EFNA5: variants seen among roughly 807,000 people sequenced by gnomAD.
EFNA5 encodes ephrin-A5.
A neutral mutation model predicts 22.9 loss-of-function variants in EFNA5; 5 were observed. That is an observed-to-expected ratio of 0.22 (90% CI 0.11 to 0.46). EFNA5 has a LOEUF of 0.46. EFNA5 is among the 20% of genes least tolerant of loss of function. The pLI is 0.99. For synonymous variants in EFNA5, 113 were observed against 112.2 expected, an observed-to-expected ratio of 1.01 and a Z score of -0.04; for missense variants, 237 against 293.3, an observed-to-expected ratio of 0.81 and a Z score of 1.40.
chr5:107,608,981 A>C (rs1580558195), intron 1 of EFNA5, among the ~76,000 whole-genome samples: 1 of 152,134 alleles, frequency 6.6e-6, no homozygotes, highest in Non-Finnish European at 1.5e-5. Context: ...GCACTACAAA[A>C]CTTCCTGGTT....
At chr5:107,584,807 C>T (rs1431523035) in intron 1 of EFNA5, among the ~76,000 whole-genome samples, 1 of 152,164 alleles carries the variant, frequency 6.6e-6, no homozygotes, top group African/African-American at 2.4e-5. Context: ...CGAATGAACC[C>T]AGCTGCTGCT....
At chr5:107,651,988 A>T (rs1231627031) in intron 1 of EFNA5, among the ~76,000 whole-genome samples, 1 of 152,178 alleles carries the variant, frequency 6.6e-6, no homozygotes, top group Non-Finnish European at 1.5e-5. Context: ...TCCCCTACTA[A>T]AAATGCAGCC....
In EFNA5 at chr5:107,591,890, ATTATATATAATATATAATATAAAAAATAT is replaced by A. The variant is rs1561442838; in HGVS notation, c.125+78570_125+78598del. Among the ~76,000 whole-genome samples, 30 of 21,516 alleles carry A rather than the reference ATTATATATAATATATAATATAAAAAATAT, an allele frequency of 1.4e-3. 1 individual carries two copies. In the South Asian group the frequency reaches 0.019, roughly 14 times the overall value. The allele number at this position is 21,516 out of a possible 152,430, so 14.1% of individuals were successfully genotyped here. On this transcript the variant is annotated intron_variant, in intron 1 of 4. Coordinates refer to ENST00000333274, the MANE Select transcript of EFNA5 (RefSeq NM_001962.3). ...TATATATATAATATATAATATATATATTATATATAATATATAATATAAAAAATATATATATAATATATAATATATATATT... is the reference window on the plus strand; with the variant it reads ...TATATATATAATATATAATATATATAATATATAATATATAATATATATATT...
rs145379842 is a variant in EFNA5, at chr5:107,428,315, T to C, written c.126-806A>G. 3.9e-3 allele frequency among the ~76,000 whole-genome samples: 593 copies of C among 152,354 alleles called. 3 individuals carry two copies. The highest frequency in any genetic ancestry group is 0.017 in the Middle Eastern group (5 of 294). ...TTTAATCCCTCAACAGGTCATGTTC[T>C]AGAGCTGGGCTGGTGAGTAATGAAA... is the stretch of plus-strand genomic sequence containing the variant. On this transcript the variant is annotated intron_variant, in intron 1 of 4. Transcript: ENST00000333274.
chr5:107,395,034 CTTT>C (rs58619326), intron 2 of EFNA5, among the ~76,000 whole-genome samples: 3 of 86,132 alleles, frequency 3.5e-5, no homozygotes, highest in African/African-American at 1.3e-4. Flanking sequence ...ATTTCTAGTT[CTTT>C]TTTTTTTTTT....
chr5:107,660,279 T>TATATATATATATATATATATAA (rs1750920849), intron 1 of EFNA5, among the ~76,000 whole-genome samples: 1 of 47,868 alleles, frequency 2.1e-5, no homozygotes, highest in Non-Finnish European at 4.2e-5. Context: ...TATATATATA[T>TATATATATATATATATATATAA]ATATATATAT....
intron 1 of EFNA5, among the ~76,000 whole-genome samples, chr5:107,548,490 T>C (rs1748218465): frequency 6.6e-6 from 1 of 152,170 alleles, no homozygotes; most frequent in Non-Finnish European, 1.5e-5. Flanking sequence ...CTTCAGATAG[T>C]TTTTTTGCAA....
At chr5:107,548,844 G>A (rs1279036907) in intron 1 of EFNA5, among the ~76,000 whole-genome samples, 1 of 152,188 alleles carries the variant, frequency 6.6e-6, no homozygotes, top group Non-Finnish European at 1.5e-5. Flanking sequence ...AGTGTAAAGT[G>A]GAAGAAGTCT....
At chr5:107,448,389 T>C (rs967239332) in intron 1 of EFNA5, among the ~76,000 whole-genome samples, 1 of 152,174 alleles carries the variant, frequency 6.6e-6, no homozygotes, top group African/African-American at 2.4e-5. Flanking sequence ...TGTGGAAAGC[T>C]ACAAAATAAT....
At chr5:107,468,540 G>A (rs962326345) in intron 1 of EFNA5, among the ~76,000 whole-genome samples, 1 of 152,142 alleles carries the variant, frequency 6.6e-6, no homozygotes, top group African/African-American at 2.4e-5. Flanking sequence ...TCCTTAGAAG[G>A]AGGCACTCCT....
chr5:107,464,908 G>A lies in EFNA5; in HGVS notation c.126-37399C>T, dbSNP rs555279125. Among the ~76,000 whole-genome samples, 45 of 152,118 alleles carry A rather than the reference G, an allele frequency of 3.0e-4. 1 individual carries two copies. The highest frequency in any genetic ancestry group is 4.6e-4 in the Admixed American group (7 of 15,258). On this transcript the variant is annotated intron_variant, in intron 1 of 4. Coordinates refer to ENST00000333274, the MANE Select transcript of EFNA5 (RefSeq NM_001962.3). ...CTGCGTCCTGACAGAGACTATGTTC[G>A]CAGCCATCCCTCTGCCTGAAGAGGT...
Position 107,378,452 on chromosome 5 carries a change from T to C in EFNA5, c.*2803A>G, listed in dbSNP as rs1170570621. The C allele has an allele frequency of 5.3e-5, 8 of 152,114 alleles. No homozygotes were observed. The highest frequency in any genetic ancestry group is 1.9e-4 in the African/African-American group (8 of 41,418). 9.4% of individuals were successfully genotyped at this position (152,114 alleles called of 1,614,324 possible). A position where few individuals can be genotyped will look rare whatever the true frequency, so the allele number is the denominator to read the frequency against. On this transcript the variant is annotated 3_prime_UTR_variant, in exon 5 of 5. Coordinates refer to ENST00000333274, the MANE Select transcript of EFNA5 (RefSeq NM_001962.3). ...CAGATTTTTGAGTTGTTTTTGAAATTAAAAGCTTCTAAAAGTTGCATCAAC... is the reference window on the plus strand; with the variant it reads ...CAGATTTTTGAGTTGTTTTTGAAATCAAAAGCTTCTAAAAGTTGCATCAAC...
chr5:107,664,805 C>T (rs978856363), intron 1 of EFNA5, among the ~76,000 whole-genome samples: 12 of 151,964 alleles, frequency 7.9e-5, no homozygotes, highest in Admixed American at 5.9e-4. Context: ...TATTCTAATC[C>T]GGAATGCTAT....
At chr5:107,589,392 A>G (rs950412764) in intron 1 of EFNA5, among the ~76,000 whole-genome samples, 9 of 152,130 alleles carry the variant, frequency 5.9e-5, no homozygotes, top group African/African-American at 1.7e-4. Context: ...AAGTAGGGGG[A>G]AAAGGTATAA....
intron 1 of EFNA5, among the ~76,000 whole-genome samples, chr5:107,501,736 G>T (rs1332739893): frequency 6.6e-6 from 1 of 152,058 alleles, no homozygotes; most frequent in East Asian, 1.9e-4. Context: ...TCACTTTGTT[G>T]AAGCAGCAAT....
At chr5:107,471,876 AT>A (rs1286507104) in intron 1 of EFNA5, among the ~76,000 whole-genome samples, 1 of 152,242 alleles carries the variant, frequency 6.6e-6, no homozygotes, top group Non-Finnish European at 1.5e-5. Context: ...AGACAGTGAT[AT>A]TACATATGTA....
intron 1 of EFNA5, among the ~76,000 whole-genome samples, chr5:107,569,383 T>TA (rs1443388671): frequency 2.9e-5 from 4 of 137,936 alleles, no homozygotes; most frequent in African/African-American, 1.2e-4. Flanking sequence ...ATATATATAT[T>TA]TTTATGTATA....
At chr5:107,590,838 C>T (rs1454602361) in intron 1 of EFNA5, among the ~76,000 whole-genome samples, 1 of 152,154 alleles carries the variant, frequency 6.6e-6, no homozygotes, top group African/African-American at 2.4e-5. Context: ...GCAAACATAA[C>T]TCCTTTAGTC....
intron 1 of EFNA5, among the ~76,000 whole-genome samples, chr5:107,509,161 G>A (rs550665596): frequency 1.7e-4 from 26 of 152,230 alleles, no homozygotes; most frequent in African/African-American, 6.0e-4. Context: ...AGTCTCTAAT[G>A]CAATTTTGCT....
Sources: allele counts gnomAD v4.1 joint callset (sites outside exome capture counted in the v4.1 genomes callset), GRCh38; gene constraint gnomAD v4.1.1; transcripts MANE v1.5; gene names NCBI Gene and HGNC (gene_info 2026-07-23, HGNC 2026-07-21).